CHN2: variants seen among roughly 807,000 people sequenced by gnomAD.
CHN2 encodes beta-chimaerin.
Under a neutral mutation model 56.3 loss-of-function variants are expected in CHN2, and 35 were observed. The ratio of observed to expected loss-of-function variants is 0.62; its 90% CI spans 0.47 to 0.82. CHN2 has a LOEUF of 0.82. Among genes scored for constraint, CHN2 ranks in the 40% least tolerant of loss-of-function variants. The pLI is 0.00. For missense variants in CHN2, 491 were observed against 580.5 expected, an observed-to-expected ratio of 0.85 and a Z score of 1.58; for synonymous variants, 210 against 212.8, an observed-to-expected ratio of 0.99 and a Z score of 0.12.
At chr7:29,214,472 T>C (rs1012341571) in intron 1 of CHN2, among the ~76,000 whole-genome samples, 7 of 152,186 alleles carry the variant, frequency 4.6e-5, no homozygotes, top group Admixed American at 4.6e-4. Context: ...TATTGACGCT[T>C]TGACAGGAGG....
chr7:29,342,562 A>T (rs1206084027), intron 1 of CHN2, among the ~76,000 whole-genome samples: 1 of 152,204 alleles, frequency 6.6e-6, no homozygotes, highest in East Asian at 1.9e-4. Flanking sequence ...TGAACTCAAG[A>T]TGCACCAAAA....
At chr7:29,230,316 C>A (rs1010309270) in intron 1 of CHN2, among the ~76,000 whole-genome samples, 1 of 152,162 alleles carries the variant, frequency 6.6e-6, no homozygotes, top group Non-Finnish European at 1.5e-5. Context: ...TTACCTAAAT[C>A]TTTTATAAAA....
chr7:29,368,673 A>G (rs1460766497), intron 3 of CHN2, among the ~76,000 whole-genome samples: 1 of 152,168 alleles, frequency 6.6e-6, no homozygotes, highest in Admixed American at 6.5e-5. Context: ...AGTGCCATGC[A>G]TGCCTTATCA....
intron 1 of CHN2, among the ~76,000 whole-genome samples, chr7:29,344,399 A>C (rs927505836): frequency 6.6e-6 from 1 of 152,108 alleles, no homozygotes; most frequent in African/African-American, 2.4e-5. Context: ...TAAAACGCTT[A>C]ATTATCTGGC....
intron 6 of CHN2, among the ~76,000 whole-genome samples, chr7:29,408,911 A>G (rs1259844469): frequency 6.6e-6 from 1 of 152,238 alleles, no homozygotes; most frequent in African/African-American, 2.4e-5. Context: ...ATTTAGAGAC[A>G]CGGCTCCCGA....
intron 1 of CHN2, among the ~76,000 whole-genome samples, chr7:29,217,826 G>A (rs1359630392): frequency 2.0e-5 from 3 of 152,116 alleles, no homozygotes; most frequent in Non-Finnish European, 4.4e-5. Flanking sequence ...AGGTTGGAAG[G>A]CAATAGTTTA....
chr7:29,351,822 G>A (rs1245252198), intron 1 of CHN2, among the ~76,000 whole-genome samples: 1 of 152,210 alleles, frequency 6.6e-6, no homozygotes, highest in Non-Finnish European at 1.5e-5. Flanking sequence ...GCCACAGTAG[G>A]ATGCTTGGAA....
intron 6 of CHN2, among the ~76,000 whole-genome samples, chr7:29,437,079 C>T (rs1170007152): frequency 6.6e-6 from 1 of 152,040 alleles, no homozygotes; most frequent in African/African-American, 2.4e-5. Flanking sequence ...GATACTATTT[C>T]CTGCCAATGT....
At chr7:29,465,511 T>C (rs988782185) in intron 6 of CHN2, among the ~76,000 whole-genome samples, 53 of 152,232 alleles carry the variant, frequency 3.5e-4, no homozygotes, top group African/African-American at 1.1e-3. Flanking sequence ...ACATCTCACA[T>C]TGAGGAAATG....
chr7:29,198,059 A>C, intron 1 of CHN2: 1 of 456,142 alleles, frequency 2.2e-6, no homozygotes, highest in Non-Finnish European at 4.4e-6. Flanking sequence ...CATCATGCAC[A>C]GAGCTGCCAG....
chr7:29,162,398 A>C (rs1255040113), intron 2 of CHN2, among the ~76,000 whole-genome samples: 4 of 152,202 alleles, frequency 2.6e-5, no homozygotes, highest in Non-Finnish European at 5.9e-5. Flanking sequence ...GTGGTGGCTC[A>C]CACCTGTAAT....
intron 1 of CHN2, among the ~76,000 whole-genome samples, chr7:29,344,960 C>T (rs1209983504): frequency 6.6e-6 from 1 of 152,186 alleles, no homozygotes; most frequent in Non-Finnish European, 1.5e-5. Flanking sequence ...TTTTGGGTTT[C>T]TGTCTTTTAC....
chr7:29,389,130 A>G (rs1395205022), intron 3 of CHN2, among the ~76,000 whole-genome samples: 1 of 151,484 alleles, frequency 6.6e-6, no homozygotes, highest in African/African-American at 2.4e-5. Flanking sequence ...TAGCTCAGAG[A>G]GTGTTGGGAA....
intron 1 of CHN2, among the ~76,000 whole-genome samples, chr7:29,295,926 A>G (rs1310745570): frequency 6.6e-6 from 1 of 152,176 alleles, no homozygotes; most frequent in Non-Finnish European, 1.5e-5. Flanking sequence ...GATGTTGGGC[A>G]TTGGGTCCCA....
At chr7:29,196,446 A>G (rs374505266) in intron 1 of CHN2, among the ~76,000 whole-genome samples, 1 of 152,310 alleles carries the variant, frequency 6.6e-6, no homozygotes, top group South Asian at 2.1e-4. Context: ...TAATTCTGAG[A>G]ACTCAGCAAA....
At chr7:29,367,887 T>G (rs756982886) in intron 2 of CHN2, 45 bp from the exon 3 acceptor site, 4 of 1,553,724 alleles carry the variant, frequency 2.6e-6, no homozygotes, top group Admixed American at 1.8e-5. Context: ...GTTGCAGTAT[T>G]CTAATTCTAA....
intron 10 of CHN2, among the ~76,000 whole-genome samples, chr7:29,505,949 T>A (rs932356536): frequency 7.2e-5 from 11 of 152,246 alleles, no homozygotes; most frequent in Admixed American, 5.9e-4. Flanking sequence ...ATGCTTTTAC[T>A]GTTTTCTATA....
At chr7:29,495,578 C>T (rs985002890) in intron 7 of CHN2, among the ~76,000 whole-genome samples, 1 of 152,040 alleles carries the variant, frequency 6.6e-6, no homozygotes, top group Non-Finnish European at 1.5e-5. Flanking sequence ...CAAAAGGACA[C>T]AGTAATTGAG....
chr7:29,366,997 A>G (rs183024932), intron 2 of CHN2, among the ~76,000 whole-genome samples: 1 of 152,312 alleles, frequency 6.6e-6, no homozygotes, highest in African/African-American at 2.4e-5. Flanking sequence ...TATCAGATCT[A>G]GTCTTTTTAA....
Sources: gnomAD v4.1 joint callset for allele counts (sites outside exome capture counted in the v4.1 genomes callset) on GRCh38, gnomAD v4.1.1 for gene constraint, MANE v1.5 for transcripts, NCBI Gene and HGNC (gene_info 2026-07-23, HGNC 2026-07-21) for gene names.